PLA2G4F: variants seen among roughly 807,000 people sequenced by gnomAD.
PLA2G4F encodes phospholipase A2 group IVF, also known as cytosolic phospholipase A2 zeta.
A neutral mutation model predicts 103.1 loss-of-function variants in PLA2G4F; 105 were observed. The observed-to-expected ratio is 1.02, with a 90% CI of 0.87 to 1.20. PLA2G4F has a LOEUF of 1.20. Among genes scored for constraint, PLA2G4F ranks in the 50% most tolerant of loss-of-function variants. The pLI is 0.00. For missense variants in PLA2G4F, 1,155 were observed against 1,075.9 expected (o/e 1.07, Z -1.03); for synonymous variants, 468 against 441.1 (o/e 1.06, Z -0.76).
At position 42,142,522 on chromosome 15, in the gene PLA2G4F, C is replaced by T. The variant is rs772475206; in HGVS notation, c.2329+6G>A. 22 of 1,610,570 alleles carry T rather than the reference C, an allele frequency of 1.4e-5. No individual in the cohort carries two copies. The highest frequency in any genetic ancestry group is 1.9e-5 in the Non-Finnish European group (22 of 1,177,844). On this transcript the variant is annotated splice_donor_region_variant and intron_variant, in intron 19 of 19. Coordinates refer to ENST00000397272, the MANE Select transcript of PLA2G4F (RefSeq NM_213600.4). ...GGGTCAGTCCCAGGCCTGGAGCTTC[C>T]CTTACCTGGGGCCAGGTGTGTGCGG...
At chr15:42,154,008 G>T in intron 4 of PLA2G4F, 84 bp downstream of exon 4, 1 of 1,586,922 alleles carries the variant, frequency 6.3e-7, no homozygotes, top group Non-Finnish European at 8.6e-7. Flanking sequence ...CTTGGCCTGT[G>T]CCGACCAGAG....
chr15:42,154,180 C>G lies in PLA2G4F; in HGVS notation c.362G>C (p.Gly121Ala), dbSNP rs1283728754. The change falls in exon 4 of 20, where the codon GGC becomes GCC. Residue 121 changes from glycine to alanine, a missense_variant. Gly to Ala is a moderately conservative substitution (Grantham distance 60). This residue lies in a region of PLA2G4F where 370 missense variants were observed against 364.9 expected (regional missense o/e 1.01). Coordinates refer to ENST00000397272, the MANE Select transcript of PLA2G4F (RefSeq NM_213600.4). ...ELTLYDKDIL[G>A]SDQLSLLLFD... is the part of the protein sequence containing the mutation. ...CAGGAGCAGAGAGAGCTGGTCGCTG[C>G]CCAGGATGTCCTTGTCATAGAGGGT... The G allele has an allele frequency of 6.2e-7, 1 of 1,614,210 alleles. No individual in the cohort carries two copies. The highest frequency in any genetic ancestry group is 8.5e-7 in the Non-Finnish European group (1 of 1,180,044).
chr15:42,143,824 CACACACAG>C (rs2048849400), intron 18 of PLA2G4F, among the ~76,000 whole-genome samples, 146 bp downstream of exon 18: 1 of 152,178 alleles, frequency 6.6e-6, no homozygotes, highest in Non-Finnish European at 1.5e-5. Context: ...GCAGCTCCCT[CACACACAG>C]AGTGGAACCC....
rs373844273 is a variant in PLA2G4F at position 42,156,434 on chromosome 15, G to A, written c.111+5C>T. The A allele has an allele frequency of 2.5e-5, 39 of 1,552,196 alleles. No individual in the cohort carries two copies. The highest frequency in any genetic ancestry group is 1.7e-4 in the Middle Eastern group (1 of 6,010). ...GGGTTTCCCAGGTAATCTCAGGTAC[G>A]TTACCCGCCAGTGCCTCCACAGAGG... is the stretch of plus-strand genomic sequence containing the variant. On this transcript the variant is annotated splice_donor_5th_base_variant and intron_variant, in intron 1 of 19. Coordinates refer to ENST00000397272, the MANE Select transcript of PLA2G4F (RefSeq NM_213600.4).
chr15:42,142,871 G>A (rs2048839594), intron 18 of PLA2G4F, among the ~76,000 whole-genome samples, 157 bp from the exon 19 acceptor site: 1 of 152,076 alleles, frequency 6.6e-6, no homozygotes, highest in Non-Finnish European at 1.5e-5. Flanking sequence ...GGTTTCTCAT[G>A]TGTAAAATAA....
At chr15:42,154,294 C>G (rs200492623) in intron 3 of PLA2G4F, 28 bp downstream of exon 3, 1 of 1,608,474 alleles carries the variant, frequency 6.2e-7, no homozygotes, top group South Asian at 1.1e-5. Flanking sequence ...GTTCCCCTCC[C>G]GCAGCCTGGC....
chr15:42,149,001 C>A (rs549429040), intron 11 of PLA2G4F: 1 of 985,360 alleles, frequency 1.0e-6, no homozygotes, highest in Admixed American at 6.1e-5. Flanking sequence ...CTCAGGCAGC[C>A]TGGAGGAAGC....
At chr15:42,155,071 CAT>C (rs1401807727) in intron 2 of PLA2G4F, among the ~76,000 whole-genome samples, 1 of 151,246 alleles carries the variant, frequency 6.6e-6, no homozygotes, top group Admixed American at 6.6e-5. Flanking sequence ...TACAGACACA[CAT>C]ACACAACACG....
At chr15:42,151,449 A>G (rs531475992) in intron 7 of PLA2G4F, 22 of 985,168 alleles carry the variant, frequency 2.2e-5, no homozygotes, top group Admixed American at 6.1e-5. Context: ...GCCAGACCCC[A>G]GGGAGAAATG....
At position 42,145,627 on chromosome 15, in the gene PLA2G4F, G is replaced by A. The variant is rs145957347; in HGVS notation, c.1728C>T (p.Ala576=). 201 of 1,614,102 alleles carry A rather than the reference G, an allele frequency of 1.2e-4. No individual in the cohort carries two copies. The African/African-American group carries it at 1.9e-3, about 15-fold the overall frequency. The change falls in exon 16 of 20, where the codon GCC becomes GCT. Residue 576 remains alanine, a synonymous_variant. Transcript: ENST00000397272. Reference sequence around the variant, plus strand: ...ACTCCAGGAAGCTGAGGCCCGAGCCGGCGGTCTTTAGGAAGATCTCATCCA... The same window carrying A: ...ACTCCAGGAAGCTGAGGCCCGAGCCAGCGGTCTTTAGGAAGATCTCATCCA... ...TSLDEIFLKT[A]GSGLSFLEWY...
At position 42,144,651 on chromosome 15, in the gene PLA2G4F, A is replaced by G; in HGVS notation, c.1781-7T>C. 1 of 1,582,442 alleles carries G rather than the reference A, an allele frequency of 6.3e-7. No individual in the cohort carries two copies. The highest frequency in any genetic ancestry group is 8.6e-7 in the Non-Finnish European group (1 of 1,163,924). ...TGAGGCTTCTGGCAGTCGTCTAGAC[A>G]GGGGCGGGACAGTGAAATAGAGGGG... On this transcript the variant is annotated splice_region_variant and splice_polypyrimidine_tract_variant and intron_variant, in intron 16 of 19. Transcript: ENST00000397272.
chr15:42,147,831 T>G (rs2048910744), intron 11 of PLA2G4F, 69 bp from the exon 12 acceptor site: 2 of 1,582,838 alleles, frequency 1.3e-6, no homozygotes, highest in Middle Eastern at 1.7e-4. Context: ...TGCCTATACA[T>G]GTAGGACATT....
At position 42,141,146 on chromosome 15, in the gene PLA2G4F, A is replaced by G; in HGVS notation, c.*838T>C. The G allele has an allele frequency of 2.3e-6, 1 of 434,236 alleles. No homozygotes were observed. Among genetic ancestry groups the G allele is most frequent in the Non-Finnish European group, 4.7e-6 (1 of 213,098 alleles). 26.9% of individuals were successfully genotyped at this position (434,236 alleles called of 1,614,324 possible). A position where few individuals can be genotyped will look rare whatever the true frequency, so the allele number is the denominator to read the frequency against. On this transcript the variant is annotated 3_prime_UTR_variant, in exon 20 of 20. Transcript: ENST00000397272. Reference sequence around the variant, plus strand: ...ACTTGCACACCCTCCTGCCCCACATACAGGTGCACACCTCTCCCCCGATGA... The same window carrying G: ...ACTTGCACACCCTCCTGCCCCACATGCAGGTGCACACCTCTCCCCCGATGA...
At chr15:42,148,547 A>G (rs1051000812) in intron 11 of PLA2G4F, 1 of 916,544 alleles carries the variant, frequency 1.1e-6, no homozygotes, top group African/African-American at 1.8e-5. Context: ...CAGCAGCAAC[A>G]ATGAAATCGA....
In PLA2G4F at chr15:42,153,434, T is replaced by C. The variant is rs1316146405; in HGVS notation, c.492-92A>G. The C allele has an allele frequency of 3.9e-6, 6 of 1,534,302 alleles. No individual in the cohort carries two copies. In the East Asian group the frequency reaches 1.1e-4, roughly 29 times the overall value. On this transcript the variant is annotated intron_variant, in intron 5 of 19. Transcript: ENST00000397272. The stretch of plus-strand genomic sequence containing the variant: ...TGTGACTGAAGCAGCGGGCAGAGCA[T>C]GAGGAACACAGCAGGGTTTGGAGTG...
intron 19 of PLA2G4F, 112 bp downstream of exon 19, chr15:42,142,405 GCCAGCTCAGGC>G: frequency 7.8e-7 from 1 of 1,282,864 alleles, no homozygotes; most frequent in Non-Finnish European, 1.1e-6. Context: ...GGCCACAGGG[GCCAGCTCAGGC>G]CCACCAGGAG....
At chr15:42,155,262 C>T (rs1258402360) in intron 2 of PLA2G4F, among the ~76,000 whole-genome samples, 2 of 151,954 alleles carry the variant, frequency 1.3e-5, no homozygotes, top group African/African-American at 4.8e-5. Context: ...TGTTCCCACA[C>T]ACTCGCACTC....
In PLA2G4F at chr15:42,153,335, G is replaced by C. The variant is rs2048978585; in HGVS notation, c.499C>G (p.Pro167Ala). 6.2e-7 allele frequency: 1 copy of C among 1,613,962 alleles called. No homozygotes were observed. The highest frequency in any genetic ancestry group is 8.5e-7 in the Non-Finnish European group (1 of 1,179,828). Residue 167 changes from proline (P) to alanine (A), a missense_variant, in exon 6 of 20, where the codon CCT becomes GCT. Transcript: ENST00000397272. ...CCGTTGGTGATGACTTCAGATGCAGGCACCTGGCTGCAAAGGATGAGGAAT... is the reference window on the plus strand; with the variant it reads ...CCGTTGGTGATGACTTCAGATGCAGCCACCTGGCTGCAAAGGATGAGGAAT... ...VEFVLEKSQVPASEVITNGVL... is the reference protein window; with the variant it reads ...VEFVLEKSQVAASEVITNGVL...
chr15:42,146,468 T>A (rs2048886211), intron 13 of PLA2G4F, among the ~76,000 whole-genome samples: 1 of 152,216 alleles, frequency 6.6e-6, no homozygotes, highest in African/African-American at 2.4e-5. Context: ...ACACCCTCCC[T>A]CCTTCTTTAC....
Sources: allele counts gnomAD v4.1 joint callset (sites outside exome capture counted in the v4.1 genomes callset), GRCh38; gene constraint gnomAD v4.1.1; regional missense constraint gnomAD v4.1.1; transcripts MANE v1.5; gene names NCBI Gene and HGNC (gene_info 2026-07-23, HGNC 2026-07-21).